The following TMEM202 variants were observed in gnomAD, a reference collection of about 807,000 sequenced individuals.
The protein encoded by TMEM202 is transmembrane protein 202.
TMEM202 carries 25 observed loss-of-function variants against 26.1 expected under a neutral mutation model. That is an observed-to-expected ratio of 0.96 (90% CI 0.70 to 1.34). The LOEUF is 1.34. TMEM202 is among the 40% of genes most tolerant of loss of function. The pLI is 0.00. For missense variants in TMEM202, 301 were observed against 327.7 expected (o/e 0.92, Z 0.63); for synonymous variants, 122 against 119.0 (o/e 1.02, Z -0.16).
intron 4 of TMEM202, among the ~76,000 whole-genome samples, chr15:72,407,470 A>G (rs1165466377): frequency 6.6e-6 from 1 of 152,176 alleles, no homozygotes; most frequent in Non-Finnish European, 1.5e-5. Flanking sequence ...AAAATAGTGG[A>G]ACTATGATCT....
chr15:72,407,519 G>T (rs2063578250), intron 4 of TMEM202, among the ~76,000 whole-genome samples, 172 bp from the exon 5 acceptor site: 1 of 152,284 alleles, frequency 6.6e-6, no homozygotes, highest in East Asian at 1.9e-4. Flanking sequence ...ATCAGTCTGA[G>T]AAATATTATA....
chr15:72,402,058 CG>C (rs2063550029), intron 2 of TMEM202, among the ~76,000 whole-genome samples: 1 of 152,044 alleles, frequency 6.6e-6, no homozygotes, highest in South Asian at 2.1e-4. Context: ...CTCTCCCTCC[CG>C]GGTTCAAGCA....
At chr15:72,403,826 T>C (rs1412192534) in intron 2 of TMEM202, among the ~76,000 whole-genome samples, 1 of 152,236 alleles carries the variant, frequency 6.6e-6, no homozygotes, top group Non-Finnish European at 1.5e-5. Context: ...TTATTCCTAA[T>C]AGACTTGGTT....
chr15:72,398,740 C>T lies in TMEM202; in HGVS notation c.169C>T (p.Arg57Ter), dbSNP rs368153584. ...TATGGATCAGGCACACATCTACATC[C>T]GAACGCTCTGTGGCAGCCTCTGTAG... Reference protein sequence around the residue: ...QLMDQAHIYIRTLCGSLCSFS... With the variant: ...QLMDQAHIYI Residue 57 changes from arginine to a stop codon, truncating the protein, a stop_gained, in exon 2 of 5, where the codon CGA becomes TGA. Transcript: ENST00000341689. LOFTEE classifies it high-confidence loss of function. The T allele has an allele frequency of 6.8e-6, 11 of 1,614,048 alleles. No homozygotes were observed. Among genetic ancestry groups the T allele is most frequent in the African/African-American group, 4.0e-5 (3 of 74,916 alleles).
At chr15:72,406,806 A>C in intron 3 of TMEM202, 55 bp downstream of exon 3, 3 of 1,577,320 alleles carry the variant, frequency 1.9e-6, no homozygotes, top group Non-Finnish European at 2.6e-6. Flanking sequence ...CAAGGTAACA[A>C]ATTTTCTCTG....
Position 72,398,894 on chromosome 15 carries a change from C to A in TMEM202, c.323C>A (p.Thr108Lys). The A allele has an allele frequency of 6.2e-7, 1 of 1,602,820 alleles. No homozygotes were observed. Among genetic ancestry groups the A allele is most frequent in the Non-Finnish European group, 8.5e-7 (1 of 1,171,152 alleles). The change falls in exon 2 of 5, where the codon ACA (threonine) becomes AAA (lysine). Residue 108 changes from threonine (T) to lysine (K), a missense_variant. Physicochemically the swap from Thr to Lys is moderately conservative, Grantham distance 78 (BLOSUM62 -1). Coordinates refer to ENST00000341689, the MANE Select transcript of TMEM202 (RefSeq NM_001080462.3). ...LCNHELCWSH[T>K]PKPPYYLQYS... Reference sequence around the variant, plus strand: ...AACCATGAGCTGTGCTGGAGCCACACACCCAAGCCACCCTGTGAGTGCCAC... The same window carrying A: ...AACCATGAGCTGTGCTGGAGCCACAAACCCAAGCCACCCTGTGAGTGCCAC...
rs1224970654 is a variant in TMEM202 at position 72,408,331 on chromosome 15, C to G, written c.*438C>G. Among the ~76,000 whole-genome samples, 1 of 152,054 alleles carries G rather than the reference C, an allele frequency of 6.6e-6. No homozygotes were observed. Among genetic ancestry groups the G allele is most frequent in the Admixed American group, 6.6e-5 (1 of 15,264 alleles). Reference sequence around the variant, plus strand: ...GTTGAATCTGAACTTAATAGCATTACCAGAAATGGAATAAATATCAATGGA... The same window carrying G: ...GTTGAATCTGAACTTAATAGCATTAGCAGAAATGGAATAAATATCAATGGA... On this transcript the variant is annotated 3_prime_UTR_variant, in exon 5 of 5. Transcript: ENST00000341689.
At chr15:72,401,614 G>A (rs2063548107) in intron 2 of TMEM202, among the ~76,000 whole-genome samples, 1 of 152,118 alleles carries the variant, frequency 6.6e-6, no homozygotes, top group Admixed American at 6.5e-5. Context: ...TTTATTTCTT[G>A]GAGCCCTGGA....
intron 2 of TMEM202, among the ~76,000 whole-genome samples, chr15:72,405,304 G>C (rs2063565771): frequency 6.6e-6 from 1 of 152,076 alleles, no homozygotes; most frequent in Non-Finnish European, 1.5e-5. Flanking sequence ...ACCTTATAAG[G>C]GATACTGAAG....
Position 72,406,647 on chromosome 15 carries a change from C to T in TMEM202, c.383C>T (p.Thr128Ile). 1 of 1,613,950 alleles carries T rather than the reference C, an allele frequency of 6.2e-7. No individual in the cohort carries two copies. The highest frequency in any genetic ancestry group is 1.1e-5 in the South Asian group (1 of 91,068). The change falls in exon 3 of 5, where the codon ACC becomes ATC. Residue 128 changes from threonine (T) to isoleucine (I), a missense_variant. Thr to Ile is a moderately conservative substitution (Grantham distance 89). Coordinates refer to ENST00000341689, the MANE Select transcript of TMEM202 (RefSeq NM_001080462.3). ...GCCTTCTTTCTCATCTCTGTCTTTACCATACTTACTGGCCTTGGCTGGCTC... is the reference window on the plus strand; with the variant it reads ...GCCTTCTTTCTCATCTCTGTCTTTATCATACTTACTGGCCTTGGCTGGCTC... ...SRAFFLISVFTILTGLGWLFS... is the reference protein window; with the variant it reads ...SRAFFLISVFIILTGLGWLFS...
At chr15:72,406,576 G>A in intron 2 of TMEM202, 26 bp from the exon 3 acceptor site, 4 of 1,610,154 alleles carry the variant, frequency 2.5e-6, no homozygotes, top group Non-Finnish European at 3.4e-6. Context: ...ACTAACCACG[G>A]TCTTCCTTTC....
intron 2 of TMEM202, among the ~76,000 whole-genome samples, chr15:72,399,193 A>T (rs1013473139): frequency 6.6e-6 from 1 of 152,232 alleles, no homozygotes; most frequent in African/African-American, 2.4e-5. Context: ...GCCGAAGTGC[A>T]AAAGCACTAT....
At chr15:72,401,968 TTATC>T (rs1452667767) in intron 2 of TMEM202, among the ~76,000 whole-genome samples, 1 of 152,072 alleles carries the variant, frequency 6.6e-6, no homozygotes, top group Non-Finnish European at 1.5e-5. Flanking sequence ...ATTTATTTAT[TTATC>T]TATTTATTTT....
intron 3 of TMEM202, 66 bp from the exon 4 acceptor site, chr15:72,407,020 T>C (rs1431859213): frequency 6.3e-7 from 1 of 1,592,064 alleles, no homozygotes; most frequent in Non-Finnish European, 8.5e-7. Flanking sequence ...GCCAAAGAGC[T>C]GGGGGTGGCG....
At position 72,398,779 on chromosome 15, in the gene TMEM202, A is replaced by AAAAC. The variant is rs760465941; in HGVS notation, c.208_209insAAAC (p.Met70LysfsTer22). 1 of 1,614,136 alleles carries AAAAC rather than the reference A, an allele frequency of 6.2e-7. No individual in the cohort carries two copies. Among genetic ancestry groups the AAAAC allele is most frequent in the South Asian group, 1.1e-5 (1 of 91,082 alleles). On this transcript the variant is annotated frameshift_variant, in exon 2 of 5. Coordinates refer to ENST00000341689, the MANE Select transcript of TMEM202 (RefSeq NM_001080462.3). LOFTEE classifies it high-confidence loss of function. ...CAGCCTCTGTAGTTTTAGCCTCCTA[A>AAAAC]TGCTGATCGCCATGTCCCCACTGAA...
At chr15:72,403,808 G>T (rs1286884787) in intron 2 of TMEM202, among the ~76,000 whole-genome samples, 1 of 152,194 alleles carries the variant, frequency 6.6e-6, no homozygotes, top group Non-Finnish European at 1.5e-5. Context: ...ATAATTTGTT[G>T]TATATGATTA....
At chr15:72,398,478 A>C in intron 1 of TMEM202, 71 bp downstream of exon 1, 2 of 1,450,566 alleles carry the variant, frequency 1.4e-6, no homozygotes, top group Admixed American at 2.4e-5. Context: ...TACACAGAGC[A>C]TCCTAAAGAC....
chr15:72,404,708 C>G (rs911508037), intron 2 of TMEM202, among the ~76,000 whole-genome samples: 2 of 152,124 alleles, frequency 1.3e-5, no homozygotes, highest in Admixed American at 6.6e-5. Context: ...AGAGGAAATC[C>G]AATTTCTAAG....
chr15:72,407,604 A>G, intron 4 of TMEM202, 87 bp from the exon 5 acceptor site: 1 of 1,236,422 alleles, frequency 8.1e-7, no homozygotes, highest in Non-Finnish European at 1.2e-6. Context: ...TGCCTCTTGA[A>G]CTGGTTATTA....
Sources: allele counts gnomAD v4.1 joint callset (sites outside exome capture counted in the v4.1 genomes callset), GRCh38; gene constraint gnomAD v4.1.1; transcripts MANE v1.5; gene names NCBI Gene and HGNC (gene_info 2026-07-23, HGNC 2026-07-21).